The following IMMP2L variants were observed in gnomAD, a reference collection of about 807,000 sequenced individuals.
IMMP2L encodes the protein mitochondrial inner membrane protease subunit 2.
A neutral mutation model predicts 19.3 loss-of-function variants in IMMP2L; 18 were observed. The ratio of observed to expected loss-of-function variants is 0.93; its 90% CI spans 0.64 to 1.38. IMMP2L has a LOEUF of 1.38. IMMP2L is among the 40% of genes most tolerant of loss of function. The pLI, the probability that IMMP2L is intolerant of heterozygous loss-of-function variation, is 0.00. For synonymous variants in IMMP2L, 76 were observed against 73.0 expected, an observed-to-expected ratio of 1.04 and a Z score of -0.21; for missense variants, 233 against 218.2, an observed-to-expected ratio of 1.07 and a Z score of -0.43.
Position 110,763,745 on chromosome 7 carries a change from C to A in IMMP2L, c.409-100024G>T, listed in dbSNP as rs937713938. ...ATTAGGGAAGTATTTCAAATAAGGG[C>A]CATTTTAAACTATCATCATTGTTGT... On this transcript the variant is annotated intron_variant, in intron 5 of 5. Coordinates refer to ENST00000405709, the MANE Select transcript of IMMP2L (RefSeq NM_032549.4). Among the ~76,000 whole-genome samples, 2 of 152,086 alleles carry A rather than the reference C, an allele frequency of 1.3e-5. 1 individual carries two copies. Among genetic ancestry groups the A allele is most frequent in the South Asian group, 4.1e-4 (2 of 4,830 alleles).
intron 5 of IMMP2L, among the ~76,000 whole-genome samples, chr7:110,767,930 T>A (rs1391332205): frequency 2.0e-5 from 3 of 152,192 alleles, no homozygotes; most frequent in Non-Finnish European, 2.9e-5. Context: ...TATCAGTGAT[T>A]GAAGAGAATT....
chr7:111,388,572 G>T (rs565427065), intron 3 of IMMP2L, among the ~76,000 whole-genome samples: 8 of 152,086 alleles, frequency 5.3e-5, no homozygotes, highest in Non-Finnish European at 1.2e-4. Context: ...CCAAAACTGG[G>T]AACAAACAGA....
rs747276983 is a variant in IMMP2L, at chr7:111,203,302, AAAAC to A, written c.240-239741_240-239738del. ...TTGGCACTGGGATACAGCAAAAAAC[AAAAC>A]AGATACCAGTCCCTGTTCTCATGGA... On this transcript the variant is annotated intron_variant, in intron 3 of 5. Coordinates refer to ENST00000405709, the MANE Select transcript of IMMP2L (RefSeq NM_032549.4). 1.1e-4 allele frequency among the ~76,000 whole-genome samples: 17 copies of A among 152,154 alleles called. 1 individual carries two copies. The highest frequency in any genetic ancestry group is 2.4e-4 in the Non-Finnish European group (16 of 68,010).
At chr7:111,325,571 T>C (rs575483943) in intron 3 of IMMP2L, among the ~76,000 whole-genome samples, 7 of 151,876 alleles carry the variant, frequency 4.6e-5, no homozygotes, top group African/African-American at 1.4e-4. Context: ...TTTTGGAGTT[T>C]AGGTTTTTTT....
At position 111,382,574 on chromosome 7, in the gene IMMP2L, T is replaced by C. The variant is rs149891304; in HGVS notation, c.239+104664A>G. On this transcript the variant is annotated intron_variant, in intron 3 of 5. Coordinates refer to ENST00000405709, the MANE Select transcript of IMMP2L (RefSeq NM_032549.4). Reference sequence around the variant, plus strand: ...CAGAATCAAGGGATGGTTTGGGGTATTGTCATTTTTTATTTTGGACATGAG... The same window carrying C: ...CAGAATCAAGGGATGGTTTGGGGTACTGTCATTTTTTATTTTGGACATGAG... Among the ~76,000 whole-genome samples, 83 of 152,158 alleles carry C rather than the reference T, an allele frequency of 5.5e-4. 1 individual carries two copies. The highest frequency in any genetic ancestry group is 8.8e-4 in the Non-Finnish European group (60 of 67,990).
chr7:110,990,503 A>T (rs1822345184), intron 3 of IMMP2L, among the ~76,000 whole-genome samples: 1 of 152,222 alleles, frequency 6.6e-6, no homozygotes, highest in Admixed American at 6.5e-5. Context: ...GATTATAAGT[A>T]CCAAGAGGAT....
intron 3 of IMMP2L, among the ~76,000 whole-genome samples, chr7:111,001,985 T>C (rs1823752609): frequency 6.6e-6 from 1 of 151,830 alleles, no homozygotes; most frequent in Admixed American, 6.6e-5. Flanking sequence ...GGTCAAGAAA[T>C]TACAAGGAAA....
chr7:111,259,633 C>A (rs1196420267), intron 3 of IMMP2L, among the ~76,000 whole-genome samples: 1 of 140,334 alleles, frequency 7.1e-6, no homozygotes, highest in African/African-American at 2.7e-5. Context: ...GTGACCCTGT[C>A]CCTAAAAAAT....
At chr7:110,846,360 T>TG (rs1460189513) in intron 5 of IMMP2L, among the ~76,000 whole-genome samples, 33 of 130,066 alleles carry the variant, frequency 2.5e-4, no homozygotes, top group East Asian at 8.1e-4. Flanking sequence ...TTTTTTTTTT[T>TG]TTTTTTTTGT....
intron 3 of IMMP2L, among the ~76,000 whole-genome samples, chr7:111,457,488 T>A (rs1273229646): frequency 1.3e-5 from 2 of 152,174 alleles, no homozygotes; most frequent in Non-Finnish European, 2.9e-5. Flanking sequence ...TAAGGATAAA[T>A]GAGATCTATA....
intron 2 of IMMP2L, among the ~76,000 whole-genome samples, chr7:111,503,706 C>G (rs1368094369): frequency 6.6e-6 from 1 of 152,022 alleles, no homozygotes; most frequent in Non-Finnish European, 1.5e-5. Context: ...ATAAACAGAA[C>G]CAAAGACAAA....
intron 3 of IMMP2L, among the ~76,000 whole-genome samples, chr7:111,173,145 C>T (rs963013181): frequency 3.3e-5 from 5 of 151,550 alleles, no homozygotes; most frequent in Non-Finnish European, 5.9e-5. Context: ...ATTAATATTA[C>T]TACTGAAGTG....
intron 3 of IMMP2L, among the ~76,000 whole-genome samples, chr7:111,066,785 A>C (rs1188477001): frequency 6.6e-6 from 1 of 152,144 alleles, no homozygotes; most frequent in African/African-American, 2.4e-5. Context: ...GTCATGCTAG[A>C]GAGTCTACCA....
chr7:110,862,098 T>G (rs534796266), intron 5 of IMMP2L, among the ~76,000 whole-genome samples: 3 of 152,102 alleles, frequency 2.0e-5, no homozygotes, highest in African/African-American at 7.2e-5. Flanking sequence ...ACTGTGTGCA[T>G]GTATGGATAA....
At chr7:110,974,510 C>T (rs1028452247) in intron 3 of IMMP2L, among the ~76,000 whole-genome samples, 1 of 152,102 alleles carries the variant, frequency 6.6e-6, no homozygotes, top group African/African-American at 2.4e-5. Context: ...CAAGTAAATA[C>T]TTCTCACAAA....
chr7:110,901,645 A>G (rs1332052837), intron 4 of IMMP2L, among the ~76,000 whole-genome samples: 2 of 152,192 alleles, frequency 1.3e-5, no homozygotes, highest in African/African-American at 4.8e-5. Flanking sequence ...TTCATTTACA[A>G]TTACATTTTT....
chr7:111,146,593 G>A (rs1254747956), intron 3 of IMMP2L, among the ~76,000 whole-genome samples: 1 of 152,014 alleles, frequency 6.6e-6, no homozygotes, highest in Non-Finnish European at 1.5e-5. Flanking sequence ...TGCACAGAAA[G>A]CAAGAGCCCC....
intron 3 of IMMP2L, among the ~76,000 whole-genome samples, chr7:111,387,763 G>T (rs1270471318): frequency 6.6e-6 from 1 of 151,850 alleles, no homozygotes; most frequent in South Asian, 2.1e-4. Flanking sequence ...AGACAACGAG[G>T]TCAGGAGATC....
intron 3 of IMMP2L, among the ~76,000 whole-genome samples, chr7:111,332,051 G>A (rs1331756552): frequency 4.6e-5 from 7 of 151,774 alleles, no homozygotes; most frequent in Non-Finnish European, 1.0e-4. Context: ...TAGAAATAAT[G>A]CCACAAAAAC....
Sources: allele counts gnomAD v4.1 joint callset (sites outside exome capture counted in the v4.1 genomes callset), GRCh38; gene constraint gnomAD v4.1.1; transcripts MANE v1.5; gene names NCBI Gene and HGNC (gene_info 2026-07-23, HGNC 2026-07-21).